Variants in ADGRB3 observed in about 807,000 individuals in gnomAD.
ADGRB3 encodes adhesion G protein-coupled receptor B3, also known as brain-specific angiogenesis inhibitor 3.
A neutral mutation model predicts 193.4 loss-of-function variants in ADGRB3; 37 were observed. The ratio of observed to expected loss-of-function variants is 0.19; its 90% CI spans 0.15 to 0.25. The LOEUF is 0.25. ADGRB3 is among the 10% of genes least tolerant of loss of function. The pLI is 1.00. For missense variants in ADGRB3, 1,637 were observed against 1,852.9 expected (o/e 0.88, Z 2.14); for synonymous variants, 690 against 644.2 (o/e 1.07, Z -1.08).
At chr6:69,384,638 A>G (rs1770022710) in intron 31 of ADGRB3, among the ~76,000 whole-genome samples, 1 of 152,044 alleles carries the variant, frequency 6.6e-6, no homozygotes, top group Admixed American at 6.6e-5. Flanking sequence ...CCTGACAACA[A>G]AAATAGTCTA....
At chr6:68,999,655 C>T (rs922549763) in intron 11 of ADGRB3, among the ~76,000 whole-genome samples, 9 of 152,268 alleles carry the variant, frequency 5.9e-5, no homozygotes, top group African/African-American at 2.2e-4. Context: ...CTCACCAAAT[C>T]CCAGGCAGAT....
intron 3 of ADGRB3, among the ~76,000 whole-genome samples, chr6:68,860,825 C>A (rs1008623033): frequency 1.3e-5 from 2 of 151,978 alleles, no homozygotes; most frequent in Admixed American, 6.6e-5. Context: ...ATACTGTTTT[C>A]CAAAGAACTT....
intron 17 of ADGRB3, among the ~76,000 whole-genome samples, chr6:69,081,689 ATTATC>A (rs1397292410): frequency 2.6e-5 from 4 of 152,018 alleles, no homozygotes; most frequent in Non-Finnish European, 4.4e-5. Flanking sequence ...AATTTAAAAA[ATTATC>A]TTAGAATGTT....
At chr6:68,975,636 T>C (rs1376820540) in intron 10 of ADGRB3, among the ~76,000 whole-genome samples, 1 of 152,176 alleles carries the variant, frequency 6.6e-6, no homozygotes, top group Non-Finnish European at 1.5e-5. Flanking sequence ...GTTAAACATA[T>C]GCATTATGGT....
In ADGRB3 at chr6:69,157,837, A is replaced by T. The variant is rs1389548556; in HGVS notation, c.2481-75453A>T. Among the ~76,000 whole-genome samples the T allele has an allele frequency of 2.6e-5, 4 of 152,172 alleles. No individual in the cohort carries two copies. The East Asian group carries it at 7.7e-4, about 29-fold the overall frequency. On this transcript the variant is annotated intron_variant, in intron 17 of 31. Transcript: ENST00000370598. ...TAAAAGAAGTCTAAATGTATTATAG[A>T]GTATAATAACAGTATGCAGAATGAC...
At chr6:68,998,113 T>C (rs1661452846) in intron 11 of ADGRB3, among the ~76,000 whole-genome samples, 1 of 152,218 alleles carries the variant, frequency 6.6e-6, no homozygotes, top group Admixed American at 6.5e-5. Flanking sequence ...CTTTAACATG[T>C]AGCTTGACAA....
At chr6:69,106,919 C>CTAGGCATATT (rs1259317304) in intron 17 of ADGRB3, among the ~76,000 whole-genome samples, 1 of 152,146 alleles carries the variant, frequency 6.6e-6, no homozygotes, top group Non-Finnish European at 1.5e-5. Context: ...AGCATGAAAA[C>CTAGGCATATT]CTGCCTAGTA....
intron 17 of ADGRB3, among the ~76,000 whole-genome samples, chr6:69,096,679 A>T (rs1772888255): frequency 6.6e-6 from 1 of 152,134 alleles, no homozygotes; most frequent in Non-Finnish European, 1.5e-5. Flanking sequence ...CTTTCTACTG[A>T]TATGACCCTG....
At chr6:69,009,650 G>A (rs1254968975) in intron 11 of ADGRB3, among the ~76,000 whole-genome samples, 1 of 152,092 alleles carries the variant, frequency 6.6e-6, no homozygotes, top group African/African-American at 2.4e-5. Flanking sequence ...TATCCTAATG[G>A]CTTATCCCTG....
At chr6:69,294,241 G>T (rs191380234) in intron 20 of ADGRB3, among the ~76,000 whole-genome samples, 1 of 151,824 alleles carries the variant, frequency 6.6e-6, no homozygotes, top group Admixed American at 6.6e-5. Context: ...GGATTTATCT[G>T]AACTAAAGAG....
At chr6:69,139,176 G>T (rs1435621206) in intron 17 of ADGRB3, among the ~76,000 whole-genome samples, 1 of 152,274 alleles carries the variant, frequency 6.6e-6, no homozygotes, top group South Asian at 2.1e-4. Context: ...CGCTTTACCG[G>T]GGCTGCCCTT....
intron 8 of ADGRB3, among the ~76,000 whole-genome samples, chr6:68,974,076 C>CTT (rs1562106560): frequency 6.6e-6 from 1 of 151,952 alleles, no homozygotes; most frequent in African/African-American, 2.4e-5. Context: ...ACTCTTTATG[C>CTT]TTATTTATTT....
At chr6:68,728,514 G>A (rs955910195) in intron 3 of ADGRB3, among the ~76,000 whole-genome samples, 9 of 151,238 alleles carry the variant, frequency 6.0e-5, no homozygotes, top group South Asian at 2.1e-4. Context: ...AAAAACACTC[G>A]TGCACACATA....
intron 11 of ADGRB3, among the ~76,000 whole-genome samples, chr6:69,006,960 AT>A (rs1425092374): frequency 6.6e-6 from 1 of 152,026 alleles, no homozygotes; most frequent in Non-Finnish European, 1.5e-5. Context: ...CTCCAGTTTA[AT>A]TATTCACAAA....
chr6:68,861,149 G>A (rs115005524), intron 3 of ADGRB3, among the ~76,000 whole-genome samples: 1,595 of 152,230 alleles, frequency 0.01, 26 homozygotes, highest in African/African-American at 0.036. Context: ...ACAAAACACA[G>A]CATGAAATAA....
chr6:69,245,013 A>G (rs1766466508), intron 20 of ADGRB3, among the ~76,000 whole-genome samples: 1 of 151,712 alleles, frequency 6.6e-6, no homozygotes, highest in South Asian at 2.1e-4. Flanking sequence ...TTCTGTCTCC[A>G]CCCCAGTCTT....
At position 68,798,468 on chromosome 6, in the gene ADGRB3, T is replaced by C. The variant is rs917219949; in HGVS notation, c.758-132091T>C. 1.5e-4 allele frequency among the ~76,000 whole-genome samples: 23 copies of C among 149,998 alleles called. No homozygotes were observed. In the Admixed American group the frequency reaches 1.5e-3, roughly 10 times the overall value. The stretch of plus-strand genomic sequence containing the variant: ...GTTTGGTTTTCTGTTCTTGTGATAG[T>C]TGGGTGTTGAACTATGAGAACACAT... On this transcript the variant is annotated intron_variant, in intron 3 of 31. Coordinates refer to ENST00000370598, the MANE Select transcript of ADGRB3 (RefSeq NM_001704.3).
At chr6:68,674,051 T>C (rs944919687) in intron 3 of ADGRB3, among the ~76,000 whole-genome samples, 1 of 152,144 alleles carries the variant, frequency 6.6e-6, no homozygotes, top group Non-Finnish European at 1.5e-5. Flanking sequence ...TCTAAAGATC[T>C]CTATTATTTA....
At chr6:69,001,073 C>G (rs1582384388) in intron 11 of ADGRB3, among the ~76,000 whole-genome samples, 1 of 152,214 alleles carries the variant, frequency 6.6e-6, no homozygotes, top group South Asian at 2.1e-4. Flanking sequence ...TGAGGCTATA[C>G]TGGAGTGATA....
Sources: gnomAD v4.1 joint callset for allele counts (sites outside exome capture counted in the v4.1 genomes callset) on GRCh38, gnomAD v4.1.1 for gene constraint, MANE v1.5 for transcripts, NCBI Gene and HGNC (gene_info 2026-07-23, HGNC 2026-07-21) for gene names.